Variants in CCDC141 observed in about 807,000 individuals in gnomAD.
CCDC141 encodes coiled-coil domain containing 141, also known as coiled-coil domain-containing protein 141.
In CCDC141, 168 loss-of-function variants were observed where a neutral mutation model predicts 181.0. The ratio of observed to expected loss-of-function variants is 0.93; its 90% CI spans 0.82 to 1.05. The LOEUF (loss-of-function observed/expected upper bound fraction) is 1.05. Ranked by LOEUF, CCDC141 falls within the 50% of genes least tolerant of loss-of-function variation. The pLI is 0.00. For missense variants in CCDC141, 1,902 were observed against 1,788.5 expected, an observed-to-expected ratio of 1.06 and a Z score of -1.14; for synonymous variants, 666 against 642.3, an observed-to-expected ratio of 1.04 and a Z score of -0.56.
At chr2:178,986,470 A>C (rs1450121603) in intron 2 of CCDC141, among the ~76,000 whole-genome samples, 1 of 152,232 alleles carries the variant, frequency 6.6e-6, no homozygotes, top group Admixed American at 6.5e-5. Context: ...TGGCCAGGGC[A>C]ATTAGGCAGG....
chr2:178,966,527 C>A (rs1164949423), intron 4 of CCDC141, among the ~76,000 whole-genome samples: 1 of 152,132 alleles, frequency 6.6e-6, no homozygotes. Context: ...AGCAGAGGGG[C>A]CTGACTGTCA....
intron 2 of CCDC141, among the ~76,000 whole-genome samples, chr2:178,995,583 A>G (rs1408881276): frequency 6.6e-6 from 1 of 152,240 alleles, no homozygotes; most frequent in African/African-American, 2.4e-5. Context: ...TAATAAAGAA[A>G]TAAAATTTAT....
At chr2:178,856,590 TCTCC>T (rs1373015950) in intron 17 of CCDC141, among the ~76,000 whole-genome samples, 193 bp from the exon 18 acceptor site, 1 of 150,188 alleles carries the variant, frequency 6.7e-6, no homozygotes, top group Non-Finnish European at 1.5e-5. Context: ...TTCTTCTCTC[TCTCC>T]CTTTCTTTTT....
intron 3 of CCDC141, among the ~76,000 whole-genome samples, 186 bp from the exon 4 acceptor site, chr2:178,975,351 T>G (rs1691074605): frequency 6.6e-6 from 1 of 152,146 alleles, no homozygotes; most frequent in South Asian, 2.1e-4. Context: ...GGGTGTGTGT[T>G]TGCATGTGGT....
chr2:179,013,990 A>T (rs57295275), intron 2 of CCDC141, among the ~76,000 whole-genome samples: 5,559 of 135,004 alleles, frequency 0.041, 172 homozygotes, highest in Middle Eastern at 0.12. Context: ...AAAAAAAAGG[A>T]CAAATCTAGA....
the CCDC141 span, among the ~76,000 whole-genome samples, chr2:178,824,249 G>C: frequency 6.6e-6 from 1 of 152,048 alleles, no homozygotes; most frequent in Non-Finnish European, 1.5e-5. Context: ...GATTCTCTAC[G>C]AGATGGTATC....
chr2:178,915,260 C>G lies in CCDC141; in HGVS notation c.1092+3453G>C, dbSNP rs796570049. On this transcript the variant is annotated intron_variant, in intron 7 of 23. Coordinates refer to ENST00000443758, the MANE Select transcript of CCDC141 (RefSeq NM_173648.4). ...GATTTTAACCAGGAATATGATAAAACCTGGATGAAAAAAGGAATATATATG... is the reference window on the plus strand; with the variant it reads ...GATTTTAACCAGGAATATGATAAAAGCTGGATGAAAAAAGGAATATATATG... Among the ~76,000 whole-genome samples the G allele has an allele frequency of 5.9e-5, 9 of 151,852 alleles. 1 individual carries two copies. The highest frequency in any genetic ancestry group is 2.2e-4 in the African/African-American group (9 of 41,402).
At chr2:178,922,138 T>C (rs890323793) in intron 6 of CCDC141, among the ~76,000 whole-genome samples, 1 of 152,194 alleles carries the variant, frequency 6.6e-6, no homozygotes, top group Admixed American at 6.5e-5. Flanking sequence ...CTCTAGGATG[T>C]TGTCTTAACT....
chr2:178,888,986 G>A (rs980386499), intron 8 of CCDC141, among the ~76,000 whole-genome samples: 4 of 152,116 alleles, frequency 2.6e-5, no homozygotes, highest in Non-Finnish European at 4.4e-5. Flanking sequence ...TGTTTACCAC[G>A]ACTTTTCCTT....
intron 16 of CCDC141, among the ~76,000 whole-genome samples, chr2:178,866,423 A>G (rs1341295664): frequency 6.6e-6 from 1 of 152,216 alleles, no homozygotes; most frequent in African/African-American, 2.4e-5. Context: ...TAAATGTACT[A>G]ATAAAATAAA....
At chr2:178,922,120 A>G (rs932106703) in intron 6 of CCDC141, among the ~76,000 whole-genome samples, 4 of 152,252 alleles carry the variant, frequency 2.6e-5, no homozygotes, top group African/African-American at 9.6e-5. Flanking sequence ...CAGTCTAACA[A>G]CACTAAGCTC....
At chr2:178,976,253 T>C (rs1008647409) in intron 3 of CCDC141, among the ~76,000 whole-genome samples, 8 of 152,198 alleles carry the variant, frequency 5.3e-5, no homozygotes, top group Non-Finnish European at 1.0e-4. Flanking sequence ...CACCTTTGGA[T>C]TGGGTTTAGA....
chr2:178,954,570 A>G (rs1352227485), intron 5 of CCDC141, among the ~76,000 whole-genome samples: 1 of 152,232 alleles, frequency 6.6e-6, no homozygotes, highest in Non-Finnish European at 1.5e-5. Flanking sequence ...ATTTTAGTTC[A>G]AAAGCATTAG....
chr2:178,827,399 AT>A (rs1385118411), downstream of CCDC141, among the ~76,000 whole-genome samples: 2 of 152,068 alleles, frequency 1.3e-5, no homozygotes, highest in African/African-American at 4.8e-5. Context: ...GTATTTCCTA[AT>A]TTTTGACTGT....
rs142968710 is a variant in CCDC141 at position 179,037,659 on chromosome 2, C to T, written c.225+9625G>A. ...CTTCTACAACTCAACAACAGAAAAT[C>T]CAAACAACGTGCTTTAAAAGTGGAC... On this transcript the variant is annotated intron_variant, in intron 2 of 23. Coordinates refer to ENST00000443758, the MANE Select transcript of CCDC141 (RefSeq NM_173648.4). Among the ~76,000 whole-genome samples, 734 of 152,224 alleles carry T rather than the reference C, an allele frequency of 4.8e-3. 10 individuals carry two copies. The highest frequency in any genetic ancestry group is 0.017 in the African/African-American group (695 of 41,546).
chr2:179,012,349 C>A (rs1019668800), intron 2 of CCDC141, among the ~76,000 whole-genome samples: 1 of 151,906 alleles, frequency 6.6e-6, no homozygotes. Context: ...TGAACACTTT[C>A]ATGCACATAG....
At chr2:179,015,348 A>C (rs1269990213) in intron 2 of CCDC141, among the ~76,000 whole-genome samples, 5 of 141,428 alleles carry the variant, frequency 3.5e-5, no homozygotes, top group East Asian at 2.1e-4. Flanking sequence ...TCATATATGT[A>C]TCATACATAT....
chr2:178,853,956 G>T (rs1039591170), intron 19 of CCDC141, among the ~76,000 whole-genome samples: 2 of 152,164 alleles, frequency 1.3e-5, no homozygotes, highest in African/African-American at 4.8e-5. Flanking sequence ...AGAACAGGCA[G>T]GATAAAAAGC....
chr2:179,046,362 G>A (rs2043497353), intron 2 of CCDC141, among the ~76,000 whole-genome samples: 1 of 152,252 alleles, frequency 6.6e-6, no homozygotes, highest in Admixed American at 6.5e-5. Flanking sequence ...TGGGACAACA[G>A]AGCAAGTGCT....
Sources: allele counts gnomAD v4.1 joint callset (sites outside exome capture counted in the v4.1 genomes callset), GRCh38; gene constraint gnomAD v4.1.1; transcripts MANE v1.5; gene names NCBI Gene and HGNC (gene_info 2026-07-23, HGNC 2026-07-21).